Variants in RIMBP2 observed in about 807,000 individuals in gnomAD.
RIMBP2 encodes RIMS-binding protein 2.
Under a neutral mutation model 118.6 loss-of-function variants are expected in RIMBP2, and 48 were observed. The observed-to-expected ratio is 0.40, with a 90% CI of 0.32 to 0.51. RIMBP2 has a LOEUF of 0.51. Ranked by LOEUF, RIMBP2 falls within the 20% of genes least tolerant of loss-of-function variation. RIMBP2 has a pLI of 0.41. For synonymous variants in RIMBP2, 762 were observed against 742.9 expected, an observed-to-expected ratio of 1.03 and a Z score of -0.42; for missense variants, 1,551 against 1,768.3, an observed-to-expected ratio of 0.88 and a Z score of 2.20.
chr12:130,556,717 A>G (rs2056390851), intron 2 of RIMBP2, among the ~76,000 whole-genome samples: 1 of 152,178 alleles, frequency 6.6e-6, no homozygotes, highest in African/African-American at 2.4e-5. Context: ...CCAACTCAAG[A>G]TGGTGCCATC....
At position 130,424,986 on chromosome 12, in the gene RIMBP2, G is replaced by A. The variant is rs187967849; in HGVS notation, c.2413-128C>T. On this transcript the variant is annotated intron_variant, in intron 15 of 22. Transcript: ENST00000690449. This position sits in a 1 kb window ranked among gnomAD's most constrained non-coding sequence, Gnocchi z 9.8. ...AGGCACCGAGGGGGGGGAAGCATGC[G>A]TCTACTCAGGCCGGGGGCATGCCGT... 8.8e-4 allele frequency: 422 copies of A among 477,208 alleles called. 1 individual carries two copies. The highest frequency in any genetic ancestry group is 1.2e-3 in the Non-Finnish European group (366 of 299,212). 29.6% of individuals were successfully genotyped at this position (477,208 alleles called of 1,614,324 possible). A position where few individuals can be genotyped will look rare whatever the true frequency, so the allele number is the denominator to read the frequency against.
intron 2 of RIMBP2, among the ~76,000 whole-genome samples, chr12:130,608,816 T>C (rs908888717): frequency 1.3e-5 from 2 of 152,176 alleles, no homozygotes; most frequent in Non-Finnish European, 2.9e-5. Flanking sequence ...CCCACTCTCT[T>C]AACATTTTTA....
At position 130,621,822 on chromosome 12, in the gene RIMBP2, T is replaced by C. The variant is rs1398236712; in HGVS notation, c.-217+6500A>G. On this transcript the variant is annotated intron_variant, in intron 2 of 22. Transcript: ENST00000690449. The surrounding 1 kb of genome is among the most constrained non-coding windows in gnomAD (Gnocchi z 6.6). The stretch of plus-strand genomic sequence containing the variant: ...TTGTACTCTACCCTTTTACTGCCCT[T>C]GAAGGTAAACCTGGAGCCATCGCTG... 1.3e-5 allele frequency among the ~76,000 whole-genome samples: 2 copies of C among 152,250 alleles called. No homozygotes were observed. Among genetic ancestry groups the C allele is most frequent in the African/African-American group, 4.8e-5 (2 of 41,536 alleles).
intron 2 of RIMBP2, among the ~76,000 whole-genome samples, chr12:130,595,613 C>G (rs758134371): frequency 5.9e-5 from 9 of 152,168 alleles, no homozygotes; most frequent in Non-Finnish European, 1.3e-4. Flanking sequence ...TAACAAGCAT[C>G]TCTCCTTGCC....
chr12:130,441,432 A>C lies in RIMBP2; in HGVS notation c.1504+416T>G, dbSNP rs986061982. On this transcript the variant is annotated intron_variant, in intron 11 of 22. Transcript: ENST00000690449. ...TAATAATAATAATAATAATAATAATAATAATAATAATAATAATTTACAAGG... is the reference window on the plus strand; with the variant it reads ...TAATAATAATAATAATAATAATAATCATAATAATAATAATAATTTACAAGG... Among the ~76,000 whole-genome samples, 6 of 144,550 alleles carry C rather than the reference A, an allele frequency of 4.2e-5. No homozygotes were observed. The East Asian group carries it at 9.8e-4, about 24-fold the overall frequency. The allele number at this position is 144,550 out of a possible 152,430, so 94.8% of individuals were successfully genotyped here. A position where few individuals can be genotyped will look rare whatever the true frequency, so the allele number is the denominator to read the frequency against.
chr12:130,414,587 A>G, intron 17 of RIMBP2: 1 of 278,190 alleles, frequency 3.6e-6, no homozygotes. Context: ...AGGCTGGGGC[A>G]GGGGCTGCGG....
In RIMBP2 at chr12:130,414,304, C is replaced by T. The variant is rs772506106; in HGVS notation, c.3241G>A (p.Asp1081Asn). ...GGAGAAAGGCGGTCTCGCCCGTAAT[C>T]GTCTGCGAGCAAGTGGGGGTGAAGA... is the stretch of plus-strand genomic sequence containing the variant. Reference protein sequence around the residue: ...SRPVTVPSIDDYGRDRLSPDF... With the variant: ...SRPVTVPSIDNYGRDRLSPDF... The change falls in exon 18 of 23, where the codon GAT (aspartate) becomes AAT (asparagine). Residue 1081 changes from aspartate (D) to asparagine (N), a missense_variant and splice_region_variant. Physicochemically the swap from Asp to Asn is conservative, Grantham distance 23 (BLOSUM62 1). Transcript: ENST00000690449. 1.1e-5 allele frequency: 17 copies of T among 1,578,960 alleles called. No individual in the cohort carries two copies. The highest frequency in any genetic ancestry group is 5.9e-5 in the South Asian group (5 of 85,284).
chr12:130,510,046 G>C (rs1184764956), intron 3 of RIMBP2, among the ~76,000 whole-genome samples: 1 of 152,224 alleles, frequency 6.6e-6, no homozygotes, highest in Non-Finnish European at 1.5e-5. Flanking sequence ...TGGACAGTCA[G>C]GAATTGCCTT....
chr12:130,641,764 A>G (rs2062633553), intron 1 of RIMBP2, among the ~76,000 whole-genome samples: 1 of 152,124 alleles, frequency 6.6e-6, no homozygotes, highest in South Asian at 2.1e-4. Context: ...CATGCCCCTT[A>G]TGCTTGGCTG....
chr12:130,676,664 G>A (rs1174303802), intron 1 of RIMBP2, among the ~76,000 whole-genome samples: 1 of 151,796 alleles, frequency 6.6e-6, no homozygotes, highest in Non-Finnish European at 1.5e-5. Flanking sequence ...ACACACAGTG[G>A]CACATCCATA....
intron 2 of RIMBP2, among the ~76,000 whole-genome samples, chr12:130,589,640 T>G (rs1055655670): frequency 1.3e-5 from 2 of 152,186 alleles, no homozygotes; most frequent in Non-Finnish European, 2.9e-5. Flanking sequence ...ATAGGTGAGG[T>G]GATGGATGTG....
intron 2 of RIMBP2, among the ~76,000 whole-genome samples, chr12:130,618,551 A>G (rs1338692673): frequency 6.7e-6 from 1 of 149,232 alleles, no homozygotes; most frequent in Non-Finnish European, 1.5e-5. Flanking sequence ...TGCCACATCC[A>G]GGGGCTAGTG....
intron 4 of RIMBP2, among the ~76,000 whole-genome samples, chr12:130,481,020 C>G (rs754016238): frequency 6.6e-6 from 1 of 151,816 alleles, no homozygotes; most frequent in Non-Finnish European, 1.5e-5. Context: ...CCGCTGCCAA[C>G]TCAGCCTGAG....
chr12:130,436,423 A>ATG (rs986160468), intron 13 of RIMBP2, among the ~76,000 whole-genome samples: 2 of 152,204 alleles, frequency 1.3e-5, no homozygotes, highest in Non-Finnish European at 1.5e-5. Flanking sequence ...ACATATGTGC[A>ATG]TGTGTGTGTA....
At chr12:130,564,089 ACGTGGCTAACTCCC>A (rs2139943809) in intron 2 of RIMBP2, among the ~76,000 whole-genome samples, 1 of 63,048 alleles carries the variant, frequency 1.6e-5, no homozygotes, top group East Asian at 6.0e-4. Context: ...CCAGGTGCCC[ACGTGGCTAACTCCC>A]CCACCCTTCA....
intron 2 of RIMBP2, among the ~76,000 whole-genome samples, chr12:130,561,831 T>C (rs1304282983): frequency 6.6e-6 from 1 of 152,166 alleles, no homozygotes; most frequent in African/African-American, 2.4e-5. Context: ...GCTGCACAAA[T>C]CTGTTAAACA....
chr12:130,632,443 GATTCCTGGCTTCTCAATGC>G (rs1295212332), intron 1 of RIMBP2, among the ~76,000 whole-genome samples: 6 of 152,132 alleles, frequency 3.9e-5, no homozygotes, highest in Non-Finnish European at 8.8e-5. Context: ...GTGGGGCAAT[GATTCCTGGCTTCTCAATGC>G]ATTTAGTGCA....
chr12:130,552,698 A>C (rs564656786), intron 2 of RIMBP2, among the ~76,000 whole-genome samples: 3 of 152,336 alleles, frequency 2.0e-5, no homozygotes, highest in African/African-American at 7.2e-5. Flanking sequence ...TTCATGATAA[A>C]AAGGATCATG....
intron 2 of RIMBP2, among the ~76,000 whole-genome samples, chr12:130,568,257 T>A (rs1248007513): frequency 6.6e-6 from 1 of 152,230 alleles, no homozygotes; most frequent in Non-Finnish European, 1.5e-5. Context: ...CTCAGGGGAC[T>A]CAGCACGGGG....
Sources: gnomAD v4.1 joint callset for allele counts (sites outside exome capture counted in the v4.1 genomes callset) on GRCh38, gnomAD v4.1.1 for gene constraint, Gnocchi (gnomAD v3.1) non-coding constraint, MANE v1.5 for transcripts, NCBI Gene and HGNC (gene_info 2026-07-23, HGNC 2026-07-21) for gene names.